RBFOX1: variants seen among roughly 807,000 people sequenced by gnomAD.
RBFOX1 encodes the protein RNA binding protein fox-1 homolog 1.
Under a neutral mutation model 57.7 loss-of-function variants are expected in RBFOX1, and 8 were observed. The observed-to-expected ratio is 0.14, with a 90% CI of 0.08 to 0.25. The LOEUF (loss-of-function observed/expected upper bound fraction) is 0.25. RBFOX1 is among the 10% of genes least tolerant of loss of function. The probability of loss-of-function intolerance (pLI) is 1.00; values close to 1 mark genes in which losing one functional copy is unlikely to be tolerated. For synonymous variants in RBFOX1, 326 were observed against 222.4 expected (o/e 1.47, Z -4.15); for missense variants, 611 against 548.5 (o/e 1.11, Z -1.14).
At chr16:6,158,571 G>A in intron 1 of RBFOX1, among the ~76,000 whole-genome samples, 1 of 152,158 alleles carries the variant, frequency 6.6e-6, no homozygotes, top group East Asian at 1.9e-4. Context: ...AGCAAATGGA[G>A]TGGTGTTTTT....
At chr16:6,857,075 TC>T (rs1250287041) in intron 3 of RBFOX1, among the ~76,000 whole-genome samples, 1 of 151,646 alleles carries the variant, frequency 6.6e-6, no homozygotes, top group African/African-American at 2.4e-5. Context: ...TGGTTGTCTT[TC>T]TTATTTGTTG....
intron 3 of RBFOX1, among the ~76,000 whole-genome samples, chr16:6,747,518 C>A (rs1418630050): frequency 6.6e-6 from 1 of 151,942 alleles, no homozygotes; most frequent in Non-Finnish European, 1.5e-5. Context: ...CTTGTTGTCA[C>A]CTGGGATATG....
At chr16:6,993,926 A>G (rs1401536742) in intron 3 of RBFOX1, among the ~76,000 whole-genome samples, 2 of 152,172 alleles carry the variant, frequency 1.3e-5, no homozygotes, top group Admixed American at 6.5e-5. Context: ...TGTAGCCAAT[A>G]AGTGCCTAAA....
intron 3 of RBFOX1, among the ~76,000 whole-genome samples, chr16:6,965,585 A>G (rs565868491): frequency 1.3e-5 from 2 of 152,102 alleles, no homozygotes; most frequent in Non-Finnish European, 2.9e-5. Flanking sequence ...GATCTCCCCA[A>G]CTTGGCTTCC....
rs142387230 is a variant in RBFOX1, at chr16:7,043,622, A to G, written c.-15-8435A>G. On this transcript the variant is annotated intron_variant, in intron 3 of 15. Transcript: ENST00000550418. Reference sequence around the variant, plus strand: ...GAGTTCTATGCTGGTAAACTTGTCCAGTGTTTTCCTTCTAAGTGATTCATA... The same window carrying G: ...GAGTTCTATGCTGGTAAACTTGTCCGGTGTTTTCCTTCTAAGTGATTCATA... 3.4e-3 allele frequency among the ~76,000 whole-genome samples: 515 copies of G among 152,348 alleles called. 3 individuals carry two copies. Among genetic ancestry groups the G allele is most frequent in the African/African-American group, 0.012 (491 of 41,572 alleles).
At chr16:7,542,457 A>G (rs2083206638) in intron 5 of RBFOX1, among the ~76,000 whole-genome samples, 1 of 152,134 alleles carries the variant, frequency 6.6e-6, no homozygotes, top group African/African-American at 2.4e-5. Flanking sequence ...GAAGGAGAAC[A>G]TGGGGAAAGA....
At chr16:7,482,894 G>T (rs574691998) in intron 4 of RBFOX1, among the ~76,000 whole-genome samples, 1 of 152,174 alleles carries the variant, frequency 6.6e-6, no homozygotes, top group East Asian at 1.9e-4. Flanking sequence ...ACTGAGAGGG[G>T]GGCAGCTTTT....
chr16:6,919,871 G>C (rs1224558355), intron 3 of RBFOX1, among the ~76,000 whole-genome samples: 1 of 143,086 alleles, frequency 7.0e-6, no homozygotes, highest in Non-Finnish European at 1.5e-5. Context: ...CTGAGATTTT[G>C]GTGCACCCAT....
intron 2 of RBFOX1, among the ~76,000 whole-genome samples, chr16:6,578,242 T>G (rs2097473981): frequency 6.6e-6 from 1 of 152,158 alleles, no homozygotes; most frequent in Non-Finnish European, 1.5e-5. Context: ...CTTTTGCAAG[T>G]CATCACAAAA....
At chr16:7,656,118 A>G (rs544691717) in intron 12 of RBFOX1, among the ~76,000 whole-genome samples, 152 of 152,350 alleles carry the variant, frequency 1.0e-3, no homozygotes, top group African/African-American at 3.6e-3. Context: ...CTGGCATTCT[A>G]AAGCCATACT....
At position 6,651,946 on chromosome 16, in the gene RBFOX1, A is replaced by T. The variant is rs1331647210; in HGVS notation, c.-63-2657A>T. 1.7e-4 allele frequency among the ~76,000 whole-genome samples: 26 copies of T among 152,200 alleles called. 1 individual carries two copies. The highest frequency in any genetic ancestry group is 1.6e-3 in the Admixed American group (25 of 15,288). On this transcript the variant is annotated intron_variant, in intron 2 of 15. Transcript: ENST00000550418. Reference sequence around the variant, plus strand: ...GGATGAACCTTGAAGACATTATGCTAAGTGAAATAAGCCAGGCACAGAAGG... The same window carrying T: ...GGATGAACCTTGAAGACATTATGCTTAGTGAAATAAGCCAGGCACAGAAGG...
chr16:6,942,225 A>G (rs1470239612), intron 3 of RBFOX1, among the ~76,000 whole-genome samples: 2 of 152,150 alleles, frequency 1.3e-5, no homozygotes. Flanking sequence ...GGTGACAGTG[A>G]ACCAGGATCC....
intron 1 of RBFOX1, among the ~76,000 whole-genome samples, chr16:5,432,848 C>G (rs2067795195): frequency 6.6e-6 from 1 of 152,070 alleles, no homozygotes; most frequent in Admixed American, 6.5e-5. Flanking sequence ...TGCAGTGGCG[C>G]AATCTCGGTT....
intron 4 of RBFOX1, among the ~76,000 whole-genome samples, chr16:7,144,513 G>A (rs543760496): frequency 2.9e-5 from 4 of 136,256 alleles, no homozygotes; most frequent in South Asian, 2.4e-4. Context: ...CAGCCTTAAC[G>A]TCCCAGGCTC....
At chr16:6,103,399 G>A (rs1244933776) in intron 1 of RBFOX1, among the ~76,000 whole-genome samples, 1 of 152,074 alleles carries the variant, frequency 6.6e-6, no homozygotes, top group East Asian at 1.9e-4. Flanking sequence ...TATGTCTGAT[G>A]TATCACGGTC....
At chr16:5,967,832 G>T (rs971145709) in intron 4 of RBFOX1, among the ~76,000 whole-genome samples, 8 of 151,988 alleles carry the variant, frequency 5.3e-5, no homozygotes, top group African/African-American at 1.9e-4. Context: ...CCATCAATTC[G>T]GATATCTGAA....
At chr16:5,820,337 T>A (rs1458666455) in intron 3 of RBFOX1, among the ~76,000 whole-genome samples, 2 of 152,206 alleles carry the variant, frequency 1.3e-5, no homozygotes, top group Non-Finnish European at 2.9e-5. Flanking sequence ...GGAATCTTAC[T>A]GTCTTTATAT....
rs961604352 is a variant in RBFOX1, at chr16:5,605,951, C to T, written c.318+6990C>T. 1.1e-4 allele frequency among the ~76,000 whole-genome samples: 17 copies of T among 152,162 alleles called. 1 individual carries two copies. Among genetic ancestry groups the T allele is most frequent in the Admixed American group, 5.2e-4 (8 of 15,284 alleles). On this transcript the variant is annotated intron_variant, in intron 3 of 19. Coordinates refer to the RBFOX1 transcript ENST00000641259. The stretch of plus-strand genomic sequence containing the variant: ...GGAACCCATAAGCTGGCCCACCTTT[C>T]CCATTGCTTCTCTTTCTGTATATTC...
chr16:5,312,063 A>G (rs908708302), intron 1 of RBFOX1, among the ~76,000 whole-genome samples: 5 of 152,234 alleles, frequency 3.3e-5, no homozygotes, highest in East Asian at 1.9e-4. Context: ...GAGGGGCTGC[A>G]TGAATGAAAC....
Sources: gnomAD v4.1 joint callset for allele counts (sites outside exome capture counted in the v4.1 genomes callset) on GRCh38, gnomAD v4.1.1 for gene constraint, MANE v1.5 for transcripts, NCBI Gene and HGNC (gene_info 2026-07-23, HGNC 2026-07-21) for gene names.